GPATCH2: variants seen among roughly 807,000 people sequenced by gnomAD.
GPATCH2 encodes G patch domain-containing protein 2.
GPATCH2 carries 51 observed loss-of-function variants against 58.0 expected under a neutral mutation model. That is an observed-to-expected ratio of 0.88 (90% confidence interval 0.70 to 1.11). GPATCH2 has a LOEUF of 1.11. GPATCH2 is among the 50% of genes most tolerant of loss of function. The pLI, the probability that GPATCH2 is intolerant of heterozygous loss-of-function variation, is 0.00. For missense variants in GPATCH2, 625 were observed against 652.2 expected, an observed-to-expected ratio of 0.96 and a Z score of 0.45; for synonymous variants, 222 against 218.5, an observed-to-expected ratio of 1.02 and a Z score of -0.14.
chr1:217,470,383 T>C (rs1660670431), intron 8 of GPATCH2, among the ~76,000 whole-genome samples: 1 of 152,172 alleles, frequency 6.6e-6, no homozygotes, highest in Non-Finnish European at 1.5e-5. Flanking sequence ...AAGACGTAAG[T>C]AATAAGAGTT....
chr1:217,453,295 G>A (rs1249633610), intron 8 of GPATCH2, among the ~76,000 whole-genome samples: 2 of 152,108 alleles, frequency 1.3e-5, no homozygotes, highest in Admixed American at 6.6e-5. Flanking sequence ...CTTTTGTAAG[G>A]TGTATCAGAA....
chr1:217,621,415 A>AG (rs1268704876), intron 1 of GPATCH2, among the ~76,000 whole-genome samples: 14 of 152,186 alleles, frequency 9.2e-5, no homozygotes, highest in African/African-American at 3.4e-4. Context: ...CGAGATCTAG[A>AG]GGCACCTAGG....
At chr1:217,503,738 G>A (rs1662415282) in intron 6 of GPATCH2, among the ~76,000 whole-genome samples, 1 of 152,030 alleles carries the variant, frequency 6.6e-6, no homozygotes, top group African/African-American at 2.4e-5. Context: ...TTATATATAA[G>A]AGTAGCCAGG....
chr1:217,563,710 G>A (rs975643976), intron 5 of GPATCH2, among the ~76,000 whole-genome samples: 1 of 152,130 alleles, frequency 6.6e-6, no homozygotes, highest in Non-Finnish European at 1.5e-5. Context: ...TCTAACTACA[G>A]TTATATAGAC....
At position 217,429,244 on chromosome 1, in the gene GPATCH2, T is replaced by G. The variant is rs1478695417; in HGVS notation, c.*1901A>C. On this transcript the variant is annotated 3_prime_UTR_variant, in exon 10 of 10. Transcript: ENST00000366935. ...AATATCAGTTAAAAAAATGGCAAATTTGTAAGTAAAAAACTTGTAGAAAGT... is the reference window on the plus strand; with the variant it reads ...AATATCAGTTAAAAAAATGGCAAATGTGTAAGTAAAAAACTTGTAGAAAGT... 1 of 152,072 alleles carries G rather than the reference T, an allele frequency of 6.6e-6. No individual in the cohort carries two copies. Among genetic ancestry groups the G allele is most frequent in the Admixed American group, 6.6e-5 (1 of 15,262 alleles). 9.4% of individuals were successfully genotyped at this position (152,072 alleles called of 1,614,324 possible). A position where few individuals can be genotyped will look rare whatever the true frequency, so the allele number is the denominator to read the frequency against.
rs538169497 is a variant in GPATCH2 at position 217,599,075 on chromosome 1, C to T, written c.1098+11246G>A. Among the ~76,000 whole-genome samples the T allele has an allele frequency of 3.3e-5, 5 of 152,122 alleles. No homozygotes were observed. The East Asian group carries it at 9.7e-4, about 29-fold the overall frequency. On this transcript the variant is annotated intron_variant, in intron 5 of 9. Coordinates refer to ENST00000366935, the MANE Select transcript of GPATCH2 (RefSeq NM_018040.5). ...GAAGTGAGGGATACACTGTTGTGAA[C>T]AGAGGTGTAAAATACACGGATATGG...
chr1:217,430,634 A>G lies in GPATCH2; in HGVS notation c.*511T>C, dbSNP rs182769175. 1 of 156,492 alleles carries G rather than the reference A, an allele frequency of 6.4e-6. No individual in the cohort carries two copies. 9.7% of individuals were successfully genotyped at this position (156,492 alleles called of 1,614,324 possible). Reference sequence around the variant, plus strand: ...TCACTCTGTCAGAAAATCCTCACCAAGAAGCCAATTCAAGGAATATGAAAT... The same window carrying G: ...TCACTCTGTCAGAAAATCCTCACCAGGAAGCCAATTCAAGGAATATGAAAT... On this transcript the variant is annotated 3_prime_UTR_variant, in exon 10 of 10. Transcript: ENST00000366935.
chr1:217,620,146 C>A lies in GPATCH2; in HGVS notation c.410G>T (p.Arg137Leu). The A allele has an allele frequency of 2.5e-6, 4 of 1,614,034 alleles. No homozygotes were observed. The highest frequency in any genetic ancestry group is 3.4e-6 in the Non-Finnish European group (4 of 1,179,944). The part of the protein sequence containing the change: ...RPSSNLNNNV[R>L]GKRPLWHESD... ...CTCATGCCATAGAGGTCTTTTCCCT[C>A]GAACATTATTATTTAAGTTTGATGA... Residue 137 changes from arginine (R) to leucine (L), a missense_variant, in exon 2 of 10, where the codon CGA (arginine) becomes CTA (leucine). Transcript: ENST00000366935.
At chr1:217,526,714 C>A (rs1437857062) in intron 5 of GPATCH2, among the ~76,000 whole-genome samples, 1 of 152,094 alleles carries the variant, frequency 6.6e-6, no homozygotes, top group African/African-American at 2.4e-5. Context: ...ATGTCTATCC[C>A]AAATCTGGTT....
In GPATCH2 at chr1:217,514,931, T is replaced by A. The variant is rs746938223; in HGVS notation, c.1099-42A>T. On this transcript the variant is annotated intron_variant, in intron 5 of 9. Transcript: ENST00000366935. ...AAAGAAAAAATAAATTTCAGATTTG[T>A]TTATAAAACGACCATGGATAATAGT... The A allele has an allele frequency of 4.3e-6, 4 of 920,420 alleles. No individual in the cohort carries two copies. In the East Asian group the frequency reaches 9.9e-5, roughly 23 times the overall value. 57.0% of individuals were successfully genotyped at this position (920,420 alleles called of 1,614,324 possible). A position where few individuals can be genotyped will look rare whatever the true frequency, so the allele number is the denominator to read the frequency against.
chr1:217,453,849 G>T (rs191332528), intron 8 of GPATCH2, among the ~76,000 whole-genome samples: 7 of 152,302 alleles, frequency 4.6e-5, no homozygotes, highest in Admixed American at 4.6e-4. Flanking sequence ...AACAGAGGCT[G>T]TTCAGAGAAT....
chr1:217,587,766 G>A (rs1183363105), intron 5 of GPATCH2, among the ~76,000 whole-genome samples: 3 of 152,164 alleles, frequency 2.0e-5, no homozygotes, highest in African/African-American at 2.4e-5. Context: ...CTAGGGAGGA[G>A]TAAGGAACAA....
chr1:217,448,544 A>T (rs571175601), intron 9 of GPATCH2, among the ~76,000 whole-genome samples: 1 of 152,162 alleles, frequency 6.6e-6, no homozygotes, highest in Admixed American at 6.5e-5. Context: ...CTTTCAATAC[A>T]TACTATTTTA....
At chr1:217,532,670 A>G (rs1000629690) in intron 5 of GPATCH2, among the ~76,000 whole-genome samples, 3 of 152,124 alleles carry the variant, frequency 2.0e-5, no homozygotes, top group Admixed American at 1.3e-4. Context: ...GAAGGATAAG[A>G]TGGAGCAGCC....
At chr1:217,614,458 G>A (rs946522266) in intron 2 of GPATCH2, among the ~76,000 whole-genome samples, 67 of 152,008 alleles carry the variant, frequency 4.4e-4, no homozygotes, top group African/African-American at 1.4e-3. Flanking sequence ...GCAACGAGAT[G>A]CTGACACAAT....
chr1:217,619,035 GTT>G (rs796301453), intron 2 of GPATCH2, among the ~76,000 whole-genome samples: 39 of 151,784 alleles, frequency 2.6e-4, no homozygotes, highest in Admixed American at 8.6e-4. Flanking sequence ...TTTACAGACT[GTT>G]TTTTTCTGGC....
chr1:217,441,539 A>T (rs1248958849), intron 9 of GPATCH2, among the ~76,000 whole-genome samples: 1 of 152,234 alleles, frequency 6.6e-6, no homozygotes, highest in Non-Finnish European at 1.5e-5. Flanking sequence ...CAGCAAAAGA[A>T]ACTATCATCA....
chr1:217,526,795 G>A (rs2102614008), intron 5 of GPATCH2, among the ~76,000 whole-genome samples: 1 of 152,336 alleles, frequency 6.6e-6, no homozygotes, highest in Non-Finnish European at 1.5e-5. Flanking sequence ...AGCTTCATCT[G>A]TATTCACAGC....
intron 5 of GPATCH2, among the ~76,000 whole-genome samples, chr1:217,553,574 T>C (rs938652466): frequency 3.9e-5 from 6 of 152,132 alleles, no homozygotes; most frequent in African/African-American, 1.4e-4. Context: ...GAACATTAAG[T>C]AATATTTTAA....
Sources: gnomAD v4.1 joint callset for allele counts (sites outside exome capture counted in the v4.1 genomes callset) on GRCh38, gnomAD v4.1.1 for gene constraint, MANE v1.5 for transcripts, NCBI Gene and HGNC (gene_info 2026-07-23, HGNC 2026-07-21) for gene names.